NCKAP5: variants seen among roughly 807,000 people sequenced by gnomAD.
NCKAP5 encodes the protein nck-associated protein 5.
NCKAP5 carries 92 observed loss-of-function variants against 167.0 expected under a neutral mutation model. The ratio of observed to expected loss-of-function variants is 0.55; its 90% CI spans 0.47 to 0.66. The LOEUF (loss-of-function observed/expected upper bound fraction) is 0.66, where lower values mean the gene tolerates loss of function less well. Among genes scored for constraint, NCKAP5 ranks in the 30% least tolerant of loss-of-function variants. The probability of loss-of-function intolerance (pLI) is 0.00; values close to 1 mark genes in which losing one functional copy is unlikely to be tolerated. For synonymous variants in NCKAP5, 891 were observed against 877.4 expected, an observed-to-expected ratio of 1.02 and a Z score of -0.27; for missense variants, 2,378 against 2,315.0, an observed-to-expected ratio of 1.03 and a Z score of -0.56.
chr2:133,266,587 G>C (rs905954118), intron 4 of NCKAP5, among the ~76,000 whole-genome samples: 1 of 152,112 alleles, frequency 6.6e-6, no homozygotes, highest in Non-Finnish European at 1.5e-5. Flanking sequence ...TGACTCCGCA[G>C]CGCCTTCACT....
At chr2:133,610,067 G>A in the NCKAP5 span, among the ~76,000 whole-genome samples, 1 of 152,024 alleles carries the variant, frequency 6.6e-6, no homozygotes, top group Non-Finnish European at 1.5e-5. Flanking sequence ...CTGCTTTCTT[G>A]GGTCTCCTCC....
chr2:133,364,762 CT>C (rs952185813), intron 3 of NCKAP5, among the ~76,000 whole-genome samples: 2 of 146,008 alleles, frequency 1.4e-5, no homozygotes, highest in Non-Finnish European at 3.0e-5. Context: ...TTTTTTTTTT[CT>C]TTTTTTTTGA....
chr2:133,065,581 G>C (rs1230459051), intron 6 of NCKAP5, among the ~76,000 whole-genome samples: 2 of 152,104 alleles, frequency 1.3e-5, no homozygotes, highest in African/African-American at 4.8e-5. Flanking sequence ...GCCCAAATTG[G>C]GCCACTGCAC....
intron 8 of NCKAP5, chr2:132,926,208 G>A: frequency 2.5e-6 from 1 of 394,402 alleles, no homozygotes; most frequent in Admixed American, 2.6e-5. Flanking sequence ...CCATGTTTCT[G>A]CAAAAGATAT....
Position 133,358,418 on chromosome 2 carries a change from A to C in NCKAP5, c.70-55308T>G, listed in dbSNP as rs574102048. On this transcript the variant is annotated intron_variant, in intron 3 of 19. Transcript: ENST00000409261. ...ACATAGTGAGACCACATCTCTAACA[A>C]CAATAACAACAAAAAGCCAGGGTAT... Among the ~76,000 whole-genome samples the C allele has an allele frequency of 3.5e-4, 54 of 152,270 alleles. No homozygotes were observed. In the Middle Eastern group the frequency reaches 0.014, roughly 38 times the overall value.
intron 19 of NCKAP5, among the ~76,000 whole-genome samples, chr2:132,682,954 G>A (rs1038121592): frequency 4.7e-5 from 7 of 149,862 alleles, no homozygotes; most frequent in African/African-American, 9.8e-5. Flanking sequence ...ATGCGATCTC[G>A]GCTCACTTCA....
rs181836944 is a variant in NCKAP5, at chr2:132,784,558, A to G, written c.2253T>C (p.Val751=). ...TGAAAGATTCAGTGGACACCCTGGG[A>G]ACATTATCTACATTATCTTTTGGAA... ...KNIPKDNVDN[V]PRVSTESFSS... Residue 751 remains valine (V), a synonymous_variant, in exon 14 of 20, where the codon GTT becomes GTC. Transcript: ENST00000409261. 5.7e-6 allele frequency: 9 copies of G among 1,576,872 alleles called. No individual in the cohort carries two copies. Among genetic ancestry groups the G allele is most frequent in the Non-Finnish European group, 7.7e-6 (9 of 1,161,432 alleles).
chr2:133,651,197 CA>C, the NCKAP5 span, among the ~76,000 whole-genome samples: 5 of 152,164 alleles, frequency 3.3e-5, no homozygotes, highest in African/African-American at 1.2e-4. Context: ...AAACAATCAA[CA>C]GAGTGAAAGG....
At chr2:132,899,184 C>A (rs530905186) in intron 8 of NCKAP5, among the ~76,000 whole-genome samples, 1 of 152,228 alleles carries the variant, frequency 6.6e-6, no homozygotes, top group African/African-American at 2.4e-5. Context: ...TTTCACCTTG[C>A]ACTTTCATGT....
chr2:133,044,480 T>C (rs977654203), intron 6 of NCKAP5, among the ~76,000 whole-genome samples: 2 of 152,096 alleles, frequency 1.3e-5, no homozygotes, highest in African/African-American at 4.8e-5. Flanking sequence ...TGTAATAAGA[T>C]GGTCAGCTCC....
intron 4 of NCKAP5, among the ~76,000 whole-genome samples, chr2:133,282,742 C>T (rs2089975782): frequency 6.6e-6 from 1 of 152,132 alleles, no homozygotes; most frequent in Non-Finnish European, 1.5e-5. Flanking sequence ...AAGTAAATGA[C>T]TCCCACTAGA....
At chr2:133,208,200 A>G (rs960882752) in intron 5 of NCKAP5, among the ~76,000 whole-genome samples, 1 of 152,070 alleles carries the variant, frequency 6.6e-6, no homozygotes, top group African/African-American at 2.4e-5. Flanking sequence ...TTATCTGGGC[A>G]TGGTGGTTTG....
intron 11 of NCKAP5, among the ~76,000 whole-genome samples, chr2:132,815,936 A>G (rs1328952265): frequency 6.6e-6 from 1 of 152,188 alleles, no homozygotes; most frequent in Admixed American, 6.5e-5. Context: ...AGCCTCACCA[A>G]TGAGCTTCCC....
intron 19 of NCKAP5, among the ~76,000 whole-genome samples, chr2:132,698,513 C>T (rs942114442): frequency 2.0e-5 from 3 of 152,016 alleles, no homozygotes; most frequent in African/African-American, 4.8e-5. Context: ...AGACTAGCAC[C>T]ACCAGCATTG....
intron 8 of NCKAP5, among the ~76,000 whole-genome samples, chr2:132,936,470 C>T (rs1043082257): frequency 6.6e-6 from 1 of 152,176 alleles, no homozygotes; most frequent in South Asian, 2.1e-4. Context: ...AGACACACCC[C>T]CATAATAAAG....
chr2:132,687,048 T>G (rs1254625562), intron 19 of NCKAP5, among the ~76,000 whole-genome samples: 3 of 152,020 alleles, frequency 2.0e-5, no homozygotes. Context: ...ACCCAAACAG[T>G]TTTATGACAA....
At chr2:132,880,458 C>T (rs1221181597) in intron 8 of NCKAP5, among the ~76,000 whole-genome samples, 2 of 151,918 alleles carry the variant, frequency 1.3e-5, no homozygotes, top group Non-Finnish European at 2.9e-5. Flanking sequence ...GGTGAAACCC[C>T]ATCTCTACTA....
At chr2:133,153,762 C>T (rs547070400) in intron 5 of NCKAP5, among the ~76,000 whole-genome samples, 3 of 143,324 alleles carry the variant, frequency 2.1e-5, no homozygotes, top group South Asian at 4.4e-4. Flanking sequence ...CCCAACACAC[C>T]CCTAATCGCC....
intron 5 of NCKAP5, among the ~76,000 whole-genome samples, chr2:133,141,537 T>G (rs934959668): frequency 6.6e-6 from 1 of 152,184 alleles, no homozygotes; most frequent in African/African-American, 2.4e-5. Context: ...TTCGCTATAA[T>G]TATGCACTCT....
Sources: gnomAD v4.1 joint callset for allele counts (sites outside exome capture counted in the v4.1 genomes callset) on GRCh38, gnomAD v4.1.1 for gene constraint, MANE v1.5 for transcripts, NCBI Gene and HGNC (gene_info 2026-07-23, HGNC 2026-07-21) for gene names.